The following DLAT variants were observed in gnomAD, a reference collection of about 807,000 sequenced individuals.
The protein encoded by DLAT is dihydrolipoyllysine-residue acetyltransferase component of pyruvate dehydrogenase complex, mitochondrial.
Under a neutral mutation model 68.0 loss-of-function variants are expected in DLAT, and 43 were observed. The ratio of observed to expected loss-of-function variants is 0.63; its 90% CI spans 0.50 to 0.81. DLAT has a LOEUF of 0.81. Ranked by LOEUF, DLAT falls within the 40% of genes least tolerant of loss-of-function variation. DLAT has a pLI of 0.00. For synonymous variants in DLAT, 265 were observed against 288.6 expected (o/e 0.92, Z 0.83); for missense variants, 745 against 815.4 (o/e 0.91, Z 1.05).
rs1443082810 is a variant in DLAT, at chr11:112,043,450, T to C, written c.1130-16T>C. The C allele has an allele frequency of 1.2e-6, 2 of 1,610,508 alleles. No individual in the cohort carries two copies. Among genetic ancestry groups the C allele is most frequent in the African/African-American group, 1.3e-5 (1 of 74,984 alleles). On this transcript the variant is annotated splice_polypyrimidine_tract_variant and intron_variant, in intron 7 of 13. Coordinates refer to ENST00000280346, the MANE Select transcript of DLAT (RefSeq NM_001931.5). ...ATGGTATGTCATCATGTATGTGATA[T>C]TTATGTCTCTTACAGGGACAGGACC...
intron 7 of DLAT, among the ~76,000 whole-genome samples, chr11:112,039,886 T>C (rs1555180890): frequency 6.6e-6 from 1 of 152,186 alleles, no homozygotes; most frequent in African/African-American, 2.4e-5. Context: ...AGAAAAAATA[T>C]AGCTTTGTGA....
Position 112,064,034 on chromosome 11 carries a change from T to G in DLAT, c.*1499T>G. ...ATATATTCCACACAGACTTTTACCT[T>G]GCTGTATTATTATGAAAACAATACA... On this transcript the variant is annotated 3_prime_UTR_variant, in exon 14 of 14. Transcript: ENST00000280346. The G allele has an allele frequency of 2.7e-6, 2 of 738,240 alleles. No individual in the cohort carries two copies. Among genetic ancestry groups the G allele is most frequent in the Non-Finnish European group, 4.2e-6 (2 of 472,538 alleles). The allele number at this position is 738,240 out of a possible 1,614,324, so 45.7% of individuals were successfully genotyped here.
intron 5 of DLAT, among the ~76,000 whole-genome samples, chr11:112,035,387 C>G (rs797035391): frequency 6.6e-5 from 10 of 152,288 alleles, no homozygotes; most frequent in African/African-American, 2.2e-4. Context: ...CACCATTTAA[C>G]TTGAATACCA....
intron 12 of DLAT, 71 bp downstream of exon 12, chr11:112,060,136 C>A: frequency 2.6e-4 from 270 of 1,053,476 alleles, no homozygotes; most frequent in Non-Finnish European, 3.6e-4. Context: ...TTGCATTTTT[C>A]ACCTTTTGAT....
At chr11:112,060,194 C>G (rs1198961537) in intron 12 of DLAT, 129 bp downstream of exon 12, 17 of 776,438 alleles carry the variant, frequency 2.2e-5, no homozygotes, top group Non-Finnish European at 3.1e-5. Flanking sequence ...GACGGAGTCT[C>G]TCTGTCACCC....
chr11:112,060,891 T>C, intron 12 of DLAT, 147 bp from the exon 13 acceptor site: 2 of 652,950 alleles, frequency 3.1e-6, no homozygotes, highest in Non-Finnish European at 5.2e-6. Flanking sequence ...ATTGTAATGG[T>C]TGTATATCTT....
chr11:112,026,133 C>T, intron 1 of DLAT, 65 bp from the exon 2 acceptor site: 1 of 1,246,668 alleles, frequency 8.0e-7, no homozygotes, highest in Non-Finnish European at 1.2e-6. Context: ...TGAATGAAAT[C>T]TTAAGCCAGA....
intron 8 of DLAT, among the ~76,000 whole-genome samples, chr11:112,044,133 C>G (rs1863186499): frequency 6.6e-6 from 1 of 152,070 alleles, no homozygotes. Flanking sequence ...AAGATTTGTT[C>G]TTTTTTTCTT....
rs1864809931 is a variant in DLAT, at chr11:112,064,178, A to C, written c.*1643A>C. ...ATCTGGTTCAAACATTCAAAACTTC[A>C]AAGATAATTCATCTTTCGCTAATGC... On this transcript the variant is annotated 3_prime_UTR_variant, in exon 14 of 14. Coordinates refer to ENST00000280346, the MANE Select transcript of DLAT (RefSeq NM_001931.5). 6.4e-7 allele frequency: 1 copy of C among 1,570,156 alleles called. No individual in the cohort carries two copies. The highest frequency in any genetic ancestry group is 1.3e-5 in the African/African-American group (1 of 74,242).
At chr11:112,035,830 G>A (rs1458840894) in intron 5 of DLAT, among the ~76,000 whole-genome samples, 106 of 134,710 alleles carry the variant, frequency 7.9e-4, no homozygotes, top group African/African-American at 2.9e-3. Context: ...TTGCTTTGTC[G>A]CCCAGGCTGG....
In DLAT at chr11:112,043,488, C is replaced by G. The variant is rs147992445; in HGVS notation, c.1152C>G (p.Ile384Met). Residue 384 changes from isoleucine (I) to methionine (M), a missense_variant, in exon 8 of 14, where the codon ATC becomes ATG. By Grantham distance (10) the Ile-to-Met change is conservative (BLOSUM62 1). Coordinates refer to ENST00000280346, the MANE Select transcript of DLAT (RefSeq NM_001931.5). ...CAGGGACAGGACCAGATGGTAGAAT[C>G]ACCAAGAAGGATATCGACTCTTTTG... ...QVKGTGPDGR[I>M]TKKDIDSFVP... 2 of 1,613,990 alleles carry G rather than the reference C, an allele frequency of 1.2e-6. No homozygotes were observed. The highest frequency in any genetic ancestry group is 1.7e-6 in the Non-Finnish European group (2 of 1,179,958).
intron 12 of DLAT, among the ~76,000 whole-genome samples, chr11:112,060,655 G>A (rs181452848): frequency 1.3e-5 from 2 of 150,358 alleles, no homozygotes; most frequent in Non-Finnish European, 3.0e-5. Context: ...TAGTAGTGTC[G>A]GGGTTTCACC....
intron 11 of DLAT, among the ~76,000 whole-genome samples, chr11:112,059,699 T>A (rs1160470945): frequency 6.6e-6 from 1 of 152,128 alleles, no homozygotes; most frequent in African/African-American, 2.4e-5. Context: ...GGACCTCTCT[T>A]TGATTTTTAA....
intron 11 of DLAT, among the ~76,000 whole-genome samples, chr11:112,058,175 C>T (rs1555182778): frequency 1.3e-5 from 2 of 152,188 alleles, no homozygotes; most frequent in African/African-American, 2.4e-5. Flanking sequence ...TTAACATGTA[C>T]TGTTTACTGG....
chr11:112,025,522 G>A lies in DLAT; in HGVS notation c.50G>A (p.Gly17Glu). ...RRAQNVAPWA[G>E]LEARWTALQE... Reference sequence around the variant, plus strand: ...GCTCAGAATGTAGCCCCATGGGCGGGACTCGAGGCTCGGTGGACGGCCTTG... The same window carrying A: ...GCTCAGAATGTAGCCCCATGGGCGGAACTCGAGGCTCGGTGGACGGCCTTG... Residue 17 changes from glycine (G) to glutamate (E), a missense_variant, in exon 1 of 14, where the codon GGA becomes GAA. Coordinates refer to ENST00000280346, the MANE Select transcript of DLAT (RefSeq NM_001931.5). 1 of 1,614,032 alleles carries A rather than the reference G, an allele frequency of 6.2e-7. No individual in the cohort carries two copies. The highest frequency in any genetic ancestry group is 1.7e-5 in the Admixed American group (1 of 60,012).
chr11:112,058,541 T>G (rs1864262261), intron 11 of DLAT, among the ~76,000 whole-genome samples: 1 of 133,086 alleles, frequency 7.5e-6, no homozygotes, highest in Admixed American at 9.0e-5. Context: ...GCAGGGGCCC[T>G]TAGGCAGACC....
intron 10 of DLAT, among the ~76,000 whole-genome samples, chr11:112,047,762 A>G (rs587597273): frequency 6.6e-6 from 1 of 152,284 alleles, no homozygotes; most frequent in South Asian, 2.1e-4. Context: ...TTTGTCAAAA[A>G]TCAGATGGTT....
At chr11:112,030,006 C>A in intron 4 of DLAT, 1 of 1,042,826 alleles carries the variant, frequency 9.6e-7, no homozygotes, top group Non-Finnish European at 1.5e-6. Flanking sequence ...GAACTGACAG[C>A]CATTTGTACT....
At chr11:112,040,176 G>T (rs1358929714) in intron 7 of DLAT, among the ~76,000 whole-genome samples, 2 of 152,016 alleles carry the variant, frequency 1.3e-5, no homozygotes, top group East Asian at 3.8e-4. Flanking sequence ...AAGTTTTTTT[G>T]AATTAAACTT....
Sources: allele counts gnomAD v4.1 joint callset (sites outside exome capture counted in the v4.1 genomes callset), GRCh38; gene constraint gnomAD v4.1.1; transcripts MANE v1.5; gene names NCBI Gene and HGNC (gene_info 2026-07-23, HGNC 2026-07-21).